The following SCN11A variants were observed in gnomAD, a reference collection of about 807,000 sequenced individuals.
SCN11A encodes sodium voltage-gated channel alpha subunit 11.
In SCN11A, 122 loss-of-function variants were observed where a neutral mutation model predicts 162.2. That is an observed-to-expected ratio of 0.75 (90% CI 0.65 to 0.87). The LOEUF is 0.87. SCN11A is among the 40% of genes least tolerant of loss of function. The pLI is 0.00. For missense variants in SCN11A, 2,015 were observed against 2,181.6 expected (o/e 0.92, Z 1.52); for synonymous variants, 758 against 751.5 (o/e 1.01, Z -0.14).
rs148441613 is a variant in SCN11A, at chr3:38,895,614, G to A, written c.2404-650C>T. The stretch of plus-strand genomic sequence containing the variant: ...TACCTCCTCAAATTCCTTTGTTTGT[G>A]GCTCTCTTCAGCTCGACAATAGACA... On this transcript the variant is annotated intron_variant, in intron 18 of 29. Coordinates refer to ENST00000302328, the MANE Select transcript of SCN11A (RefSeq NM_001349253.2). 7.2e-5 allele frequency among the ~76,000 whole-genome samples: 11 copies of A among 152,228 alleles called. 1 individual carries two copies. Among genetic ancestry groups the A allele is most frequent in the African/African-American group, 2.6e-4 (11 of 41,542 alleles).
chr3:38,939,915 A>AC (rs1160667685), intron 7 of SCN11A, among the ~76,000 whole-genome samples: 1 of 151,964 alleles, frequency 6.6e-6, no homozygotes, highest in Non-Finnish European at 1.5e-5. Flanking sequence ...AAAAAAAAAA[A>AC]AATTTAATAC....
intron 9 of SCN11A, 77 bp from the exon 10 acceptor site, chr3:38,921,332 TG>T: frequency 7.2e-7 from 1 of 1,386,286 alleles, no homozygotes; most frequent in Admixed American, 1.9e-5. Context: ...AAGGAGCAAC[TG>T]AAGTCTCGGA....
intron 2 of SCN11A, among the ~76,000 whole-genome samples, chr3:38,996,767 G>A (rs993411089): frequency 4.6e-5 from 7 of 152,046 alleles, no homozygotes; most frequent in Admixed American, 3.3e-4. Context: ...GTAAATTTGC[G>A]GTTTCTCCCA....
chr3:39,031,928 C>T (rs2031770261), intron 2 of SCN11A, among the ~76,000 whole-genome samples: 1 of 152,084 alleles, frequency 6.6e-6, no homozygotes, highest in Non-Finnish European at 1.5e-5. Flanking sequence ...CTTTAACCAA[C>T]TGATAGATAT....
intron 2 of SCN11A, among the ~76,000 whole-genome samples, chr3:39,008,288 T>A (rs531018670): frequency 8.4e-4 from 127 of 151,360 alleles, no homozygotes; most frequent in South Asian, 8.1e-3. Context: ...CAATCAAGTA[T>A]GAGAGGAGAA....
At chr3:38,859,841 C>T (rs1318788659) in intron 28 of SCN11A, among the ~76,000 whole-genome samples, 2 of 152,134 alleles carry the variant, frequency 1.3e-5, no homozygotes, top group Non-Finnish European at 2.9e-5. Context: ...GACCAGTCTG[C>T]CTTTGCAGGA....
In SCN11A at chr3:38,953,630, G is replaced by A. The variant is rs547585622; in HGVS notation, c.-9C>T. ...AGAGACTTGAGGGATGGTCCTTACC[G>A]AGATTCCTGGCTTGAGCAGATGAGA... is the stretch of plus-strand genomic sequence containing the variant. On this transcript the variant is annotated splice_region_variant and 5_prime_UTR_variant, in exon 4 of 30. Transcript: ENST00000302328. 9.9e-5 allele frequency among the ~76,000 whole-genome samples: 15 copies of A among 152,126 alleles called. No individual in the cohort carries two copies. The highest frequency in any genetic ancestry group is 1.6e-4 in the Non-Finnish European group (11 of 68,016).
intron 2 of SCN11A, among the ~76,000 whole-genome samples, chr3:38,976,453 T>TA (rs1376685808): frequency 6.6e-6 from 1 of 152,140 alleles, no homozygotes; most frequent in Non-Finnish European, 1.5e-5. Flanking sequence ...ATTCATAATC[T>TA]AAAAAATCTG....
At position 38,846,292 on chromosome 3, in the gene SCN11A, T is replaced by C; in HGVS notation, c.*402A>G. On this transcript the variant is annotated 3_prime_UTR_variant, in exon 30 of 30. Coordinates refer to ENST00000302328, the MANE Select transcript of SCN11A (RefSeq NM_001349253.2). ...CCATGCCCAGCTAATTTTTGTATTT[T>C]TAGTAGAGACGGAGTTTCATCATGT... The C allele has an allele frequency of 5.8e-6, 1 of 172,072 alleles. No individual in the cohort carries two copies. Among genetic ancestry groups the C allele is most frequent in the Admixed American group, 5.4e-5 (1 of 18,428 alleles). The allele number at this position is 172,072 out of a possible 1,614,324, so 10.7% of individuals were successfully genotyped here.
intron 8 of SCN11A, 69 bp downstream of exon 8, chr3:38,926,734 G>T: frequency 6.7e-7 from 1 of 1,497,966 alleles, no homozygotes; most frequent in Non-Finnish European, 9.2e-7. Flanking sequence ...TCCACACAGA[G>T]CTCTGATGGA....
chr3:39,025,185 G>T lies in SCN11A; in HGVS notation c.-280+7195C>A, dbSNP rs75719679. Among the ~76,000 whole-genome samples the T allele has an allele frequency of 8.7e-4, 133 of 152,112 alleles. 2 individuals are homozygous for T. In the East Asian group the frequency reaches 0.021, roughly 24 times the overall value. On this transcript the variant is annotated intron_variant, in intron 2 of 29. Coordinates refer to ENST00000302328, the MANE Select transcript of SCN11A (RefSeq NM_001349253.2). Reference sequence around the variant, plus strand: ...CCTGACTTACTTCAAGAGAGGAGGGGTGGGAGACAGGAGAGCAGGAGGTCA... The same window carrying T: ...CCTGACTTACTTCAAGAGAGGAGGGTTGGGAGACAGGAGAGCAGGAGGTCA...
chr3:39,025,855 A>G (rs563916602), intron 2 of SCN11A: 3 of 152,238 alleles, frequency 2.0e-5, no homozygotes, highest in East Asian at 3.9e-4. Context: ...CTCCTCCCCA[A>G]TTCAAGATGA....
chr3:38,953,165 C>G (rs973006069), intron 4 of SCN11A, among the ~76,000 whole-genome samples: 1 of 151,690 alleles, frequency 6.6e-6, no homozygotes, highest in Non-Finnish European at 1.5e-5. Context: ...GAACAGGAAA[C>G]CAAATACCAC....
chr3:38,920,992 G>A, intron 10 of SCN11A, 84 bp downstream of exon 10: 1 of 1,260,488 alleles, frequency 7.9e-7, no homozygotes, highest in Non-Finnish European at 1.1e-6. Context: ...ACTCTGTAAG[G>A]GAAGTGTGAA....
chr3:39,037,378 T>C (rs1297303947), intron 1 of SCN11A, among the ~76,000 whole-genome samples: 2 of 151,996 alleles, frequency 1.3e-5, no homozygotes, highest in East Asian at 3.9e-4. Context: ...GGTACAAAAA[T>C]ATAGTTAGAT....
At chr3:38,919,670 C>T (rs1335109802) in intron 11 of SCN11A, among the ~76,000 whole-genome samples, 1 of 152,190 alleles carries the variant, frequency 6.6e-6, no homozygotes, top group Non-Finnish European at 1.5e-5. Flanking sequence ...TCTTGAATAC[C>T]TACTCCATAA....
At chr3:38,994,398 A>G (rs942264771) in intron 2 of SCN11A, among the ~76,000 whole-genome samples, 4 of 152,320 alleles carry the variant, frequency 2.6e-5, no homozygotes, top group South Asian at 4.1e-4. Flanking sequence ...GAACATGTTT[A>G]GGACATTTCT....
intron 2 of SCN11A, among the ~76,000 whole-genome samples, chr3:38,972,457 T>C (rs6599274): frequency 0.5 from 76,048 of 151,962 alleles, 22,781 homozygotes; most frequent in African/African-American, 0.85. Flanking sequence ...TCCCCAGACT[T>C]TGAACACCAA....
At chr3:38,960,606 G>T in intron 2 of SCN11A, among the ~76,000 whole-genome samples, 183 bp from the exon 3 acceptor site, 1 of 152,266 alleles carries the variant, frequency 6.6e-6, no homozygotes, top group African/African-American at 2.4e-5. Context: ...TAAAGAAACA[G>T]GTTGTTGTTT....
Sources: gnomAD v4.1 joint callset for allele counts (sites outside exome capture counted in the v4.1 genomes callset) on GRCh38, gnomAD v4.1.1 for gene constraint, MANE v1.5 for transcripts, NCBI Gene and HGNC (gene_info 2026-07-23, HGNC 2026-07-21) for gene names.